The following PDE1C variants were observed in gnomAD, a reference collection of about 807,000 sequenced individuals.
PDE1C encodes the protein phosphodiesterase 1C.
In PDE1C, 62 loss-of-function variants were observed where a neutral mutation model predicts 93.1. The ratio of observed to expected loss-of-function variants is 0.67; its 90% CI spans 0.54 to 0.82. The LOEUF (loss-of-function observed/expected upper bound fraction) is 0.82, where lower values mean the gene tolerates loss of function less well. Ranked by LOEUF, PDE1C falls within the 40% of genes least tolerant of loss-of-function variation. PDE1C has a pLI of 0.00. For missense variants in PDE1C, 742 were observed against 884.6 expected, an observed-to-expected ratio of 0.84 and a Z score of 2.04; for synonymous variants, 325 against 310.1, an observed-to-expected ratio of 1.05 and a Z score of -0.50.
the PDE1C span, among the ~76,000 whole-genome samples, chr7:31,705,545 A>G: frequency 3.3e-5 from 5 of 152,230 alleles, no homozygotes; most frequent in Admixed American, 6.5e-5. Flanking sequence ...TTCTCCTCCA[A>G]TAAATACCAG....
At chr7:31,653,747 C>T in the PDE1C span, 1 of 152,158 alleles carries the variant, frequency 6.6e-6, no homozygotes, top group Admixed American at 6.5e-5. Flanking sequence ...ATTTTCCTTT[C>T]ACAGAATATA....
intron 2 of PDE1C, among the ~76,000 whole-genome samples, chr7:31,990,428 A>G (rs1784018125): frequency 6.6e-6 from 1 of 152,076 alleles, no homozygotes; most frequent in African/African-American, 2.4e-5. Flanking sequence ...GAGTCCATTA[A>G]ACCTCTTTTT....
chr7:31,673,319 T>C, the PDE1C span, among the ~76,000 whole-genome samples: 4 of 151,960 alleles, frequency 2.6e-5, no homozygotes, highest in Non-Finnish European at 4.4e-5. Flanking sequence ...GACCAAGTCC[T>C]TACCATTTGG....
At chr7:32,377,224 C>T (rs1203611576) in intron 1 of PDE1C, among the ~76,000 whole-genome samples, 1 of 152,202 alleles carries the variant, frequency 6.6e-6, no homozygotes, top group African/African-American at 2.4e-5. Context: ...CCAAGTGTGC[C>T]AAGCTGCATC....
the PDE1C span, among the ~76,000 whole-genome samples, chr7:31,713,775 T>G: frequency 1.3e-5 from 2 of 152,218 alleles, no homozygotes; most frequent in African/African-American, 4.8e-5. Context: ...GGCTTGGGGC[T>G]TGCACTCTCT....
At chr7:31,637,855 T>G in the PDE1C span, among the ~76,000 whole-genome samples, 1 of 152,176 alleles carries the variant, frequency 6.6e-6, no homozygotes, top group South Asian at 2.1e-4. Context: ...TCTTCTAGGG[T>G]TTTTATGGTT....
rs540024611 is a variant in PDE1C at position 31,924,154 on chromosome 7, CT to C, written c.129-43295del. Among the ~76,000 whole-genome samples, 22 of 152,186 alleles carry C rather than the reference CT, an allele frequency of 1.4e-4. No homozygotes were observed. The East Asian group carries it at 2.9e-3, about 20-fold the overall frequency. On this transcript the variant is annotated intron_variant, in intron 2 of 17. Transcript: ENST00000396191. ...CCAAAAAACTTTAAAGGGACCTGCT[CT>C]TTTTTTAAGAGTTTTTCCTAAGCAT...
At chr7:31,967,271 A>G (rs1050864820) in intron 2 of PDE1C, among the ~76,000 whole-genome samples, 1 of 152,244 alleles carries the variant, frequency 6.6e-6, no homozygotes, top group African/African-American at 2.4e-5. Flanking sequence ...AAAGTGATAA[A>G]GGGGATATCA....
chr7:32,045,595 G>A (rs1259605976), intron 2 of PDE1C, among the ~76,000 whole-genome samples: 1 of 152,178 alleles, frequency 6.6e-6, no homozygotes, highest in Non-Finnish European at 1.5e-5. Context: ...AAAAATGTAT[G>A]ATTTGATTTA....
chr7:32,364,727 A>G (rs982153440), intron 1 of PDE1C, among the ~76,000 whole-genome samples: 4 of 152,162 alleles, frequency 2.6e-5, no homozygotes, highest in African/African-American at 9.7e-5. Flanking sequence ...ACTTGAGACC[A>G]CAGCCACCTC....
intron 16 of PDE1C, among the ~76,000 whole-genome samples, chr7:31,793,586 G>GA (rs1228416805): frequency 6.7e-6 from 1 of 148,232 alleles, no homozygotes; most frequent in African/African-American, 2.5e-5. Flanking sequence ...ACTCTAAATA[G>GA]AAAAAAACGA....
intron 1 of PDE1C, among the ~76,000 whole-genome samples, chr7:32,237,593 A>G (rs183771873): frequency 2.8e-4 from 43 of 151,430 alleles, no homozygotes; most frequent in African/African-American, 9.4e-4. Flanking sequence ...GAGGCAAAAA[A>G]AATCTCAGCA....
At chr7:32,193,960 G>C (rs1804423528) in intron 2 of PDE1C, among the ~76,000 whole-genome samples, 2 of 145,610 alleles carry the variant, frequency 1.4e-5, no homozygotes, top group South Asian at 4.4e-4. Context: ...TGTCGCCCAG[G>C]CTGGAGTGCA....
intron 3 of PDE1C, among the ~76,000 whole-genome samples, chr7:32,114,890 A>G (rs1265464116): frequency 6.6e-6 from 1 of 152,230 alleles, no homozygotes; most frequent in African/African-American, 2.4e-5. Context: ...TCATTAGAGA[A>G]AGGCACATCA....
At chr7:32,211,082 G>T (rs1469317080) in intron 1 of PDE1C, among the ~76,000 whole-genome samples, 3 of 152,040 alleles carry the variant, frequency 2.0e-5, no homozygotes, top group Admixed American at 6.6e-5. Context: ...GGTGGTGGGC[G>T]CCTGTAATCC....
chr7:32,199,828 A>G (rs1424880324), intron 2 of PDE1C, among the ~76,000 whole-genome samples: 1 of 152,180 alleles, frequency 6.6e-6, no homozygotes, highest in Non-Finnish European at 1.5e-5. Context: ...CTTTTTGAGC[A>G]CCAGCATGAC....
At chr7:32,206,078 G>T (rs1030300863) in intron 2 of PDE1C, among the ~76,000 whole-genome samples, 1 of 152,088 alleles carries the variant, frequency 6.6e-6, no homozygotes, top group Non-Finnish European at 1.5e-5. Context: ...GAGGGGTAAG[G>T]TTACCTGCTC....
At chr7:32,312,101 T>C (rs976875211) in intron 1 of PDE1C, among the ~76,000 whole-genome samples, 6 of 151,894 alleles carry the variant, frequency 4.0e-5, no homozygotes, top group Non-Finnish European at 8.8e-5. Flanking sequence ...AGCATTCTTA[T>C]ACACCAATAA....
At chr7:32,131,592 C>G (rs1799923610) in intron 3 of PDE1C, among the ~76,000 whole-genome samples, 1 of 152,050 alleles carries the variant, frequency 6.6e-6, no homozygotes, top group Non-Finnish European at 1.5e-5. Flanking sequence ...CAAACTTTGC[C>G]TTAGGATAAT....
Sources: gnomAD v4.1 joint callset for allele counts (sites outside exome capture counted in the v4.1 genomes callset) on GRCh38, gnomAD v4.1.1 for gene constraint, MANE v1.5 for transcripts, NCBI Gene and HGNC (gene_info 2026-07-23, HGNC 2026-07-21) for gene names.